Variants in KALRN observed in about 807,000 individuals in gnomAD.
The protein encoded by KALRN is kalirin RhoGEF kinase.
In KALRN, 70 loss-of-function variants were observed where a neutral mutation model predicts 353.7. That is an observed-to-expected ratio of 0.20 (90% confidence interval 0.16 to 0.24). The LOEUF is 0.24. KALRN is among the 10% of genes least tolerant of loss of function. The probability of loss-of-function intolerance (pLI) is 1.00; values close to 1 mark genes in which losing one functional copy is unlikely to be tolerated. For synonymous variants in KALRN, 1,391 were observed against 1,434.8 expected, an observed-to-expected ratio of 0.97 and a Z score of 0.69; for missense variants, 2,791 against 3,756.7, an observed-to-expected ratio of 0.74 and a Z score of 6.72.
At chr3:124,586,954 G>A (rs150428065) in intron 34 of KALRN, among the ~76,000 whole-genome samples, 27 of 152,316 alleles carry the variant, frequency 1.8e-4, no homozygotes, top group Admixed American at 5.2e-4. Flanking sequence ...ACCGAAAACA[G>A]TCTCCACTCA....
chr3:124,305,098 C>G (rs2077578740), intron 6 of KALRN, among the ~76,000 whole-genome samples: 2 of 152,304 alleles, frequency 1.3e-5, no homozygotes, highest in South Asian at 4.1e-4. Context: ...GGAAAGCACA[C>G]CATTGTCCCC....
intron 1 of KALRN, among the ~76,000 whole-genome samples, chr3:124,081,703 G>A (rs571534970): frequency 6.6e-6 from 1 of 152,264 alleles, no homozygotes; most frequent in East Asian, 1.9e-4. Flanking sequence ...CTGAAAGTGA[G>A]CCAAGATCAA....
chr3:124,549,603 G>GT (rs1409463980), intron 33 of KALRN, among the ~76,000 whole-genome samples: 4 of 151,988 alleles, frequency 2.6e-5, no homozygotes, highest in Non-Finnish European at 5.9e-5. Context: ...ATACACAAAA[G>GT]TTTTATAATA....
At chr3:124,439,141 T>A in intron 18 of KALRN, 104 bp downstream of exon 18, 1 of 1,161,640 alleles carries the variant, frequency 8.6e-7, no homozygotes, top group Non-Finnish European at 1.2e-6. Context: ...TTCTCTCTCT[T>A]TCTCTTTCTC....
chr3:124,177,032 T>C (rs952483968), intron 1 of KALRN, among the ~76,000 whole-genome samples: 1 of 152,070 alleles, frequency 6.6e-6, no homozygotes, highest in African/African-American at 2.4e-5. Context: ...ACCTGACCTT[T>C]CCTGAGAAGA....
intron 58 of KALRN, among the ~76,000 whole-genome samples, chr3:124,715,959 T>C (rs2063115868): frequency 6.6e-6 from 1 of 152,112 alleles, no homozygotes; most frequent in African/African-American, 2.4e-5. Context: ...TGAACAGTAA[T>C]ATTCACCCAC....
intron 25 of KALRN, among the ~76,000 whole-genome samples, chr3:124,466,712 G>C (rs962915324): frequency 2.6e-5 from 4 of 152,150 alleles, no homozygotes; most frequent in African/African-American, 9.7e-5. Context: ...GACAATCCCA[G>C]AGGAGTCGTT....
At chr3:124,065,291 G>A (rs1446468199) in intron 1 of KALRN, among the ~76,000 whole-genome samples, 4 of 152,290 alleles carry the variant, frequency 2.6e-5, no homozygotes, top group South Asian at 2.1e-4. Flanking sequence ...AGATGAGCCC[G>A]GCCCTGTGCA....
intron 58 of KALRN, among the ~76,000 whole-genome samples, chr3:124,715,972 TATG>T (rs1239054602): frequency 2.0e-5 from 3 of 152,030 alleles, no homozygotes; most frequent in Non-Finnish European, 4.4e-5. Context: ...TCACCCACTA[TATG>T]ATAATATTAA....
In KALRN at chr3:124,588,074, G is replaced by A. The variant is rs114588991; in HGVS notation, c.5182+24985G>A. Among the ~76,000 whole-genome samples the A allele has an allele frequency of 7.9e-3, 1,208 of 152,260 alleles. 15 individuals are homozygous for A. The highest frequency in any genetic ancestry group is 0.026 in the African/African-American group (1,073 of 41,540). Reference sequence around the variant, plus strand: ...TCTTCCCTATCTTGAAACTGGTGTTGAAAGGCAGGAAAACTGAAAACCAAG... The same window carrying A: ...TCTTCCCTATCTTGAAACTGGTGTTAAAAGGCAGGAAAACTGAAAACCAAG... On this transcript the variant is annotated intron_variant, in intron 34 of 59. Transcript: ENST00000682506.
At chr3:124,578,846 G>A (rs1354410495) in intron 34 of KALRN, among the ~76,000 whole-genome samples, 2 of 149,438 alleles carry the variant, frequency 1.3e-5, no homozygotes, top group African/African-American at 5.0e-5. Flanking sequence ...GGAAAGGAGA[G>A]CAAGGGAATG....
rs866008860 is a variant in KALRN at position 124,490,819 on chromosome 3, G to A, written c.4522G>A (p.Val1508Ile). ...RHLFLFEISL[V>I]FSKEIKDSSG... ...CTTGTTCCTCTTTGAGATCTCCTTG[G>A]TTTTTAGCAAGGAGATCAAAGATTC... The change falls in exon 30 of 60, where the codon GTT becomes ATT. Residue 1508 changes from valine to isoleucine, a missense_variant. Coordinates refer to ENST00000682506, the MANE Select transcript of KALRN (RefSeq NM_001388419.1). 1.2e-6 allele frequency: 2 copies of A among 1,613,822 alleles called. No individual in the cohort carries two copies. Among genetic ancestry groups the A allele is most frequent in the South Asian group, 1.1e-5 (1 of 91,066 alleles).
chr3:124,281,718 C>A (rs2075363701), intron 5 of KALRN, among the ~76,000 whole-genome samples: 2 of 152,174 alleles, frequency 1.3e-5, no homozygotes. Context: ...TGCCATCTAG[C>A]ATTATAGCTA....
intron 37 of KALRN, among the ~76,000 whole-genome samples, chr3:124,644,898 C>T (rs544641438): frequency 6.6e-6 from 1 of 152,304 alleles, no homozygotes; most frequent in East Asian, 1.9e-4. Flanking sequence ...TGAGGAATCA[C>T]CACACTGTCT....
chr3:124,439,200 TCA>T (rs376221553), intron 18 of KALRN, among the ~76,000 whole-genome samples, 163 bp downstream of exon 18: 30,988 of 98,306 alleles, frequency 0.32, 3,700 homozygotes, highest in Non-Finnish European at 0.4. Flanking sequence ...TCTCTCTCTC[TCA>T]CACACACACA....
intron 13 of KALRN, among the ~76,000 whole-genome samples, chr3:124,406,832 C>CTTTT (rs10686645): frequency 0.051 from 6,470 of 126,162 alleles, 521 homozygotes; most frequent in African/African-American, 0.12. Context: ...AGTTGCTTTG[C>CTTTT]TTTTTTTTTT....
chr3:124,580,955 A>ATAG (rs1554038276), intron 34 of KALRN, among the ~76,000 whole-genome samples: 49 of 150,652 alleles, frequency 3.3e-4, no homozygotes, highest in Non-Finnish European at 5.9e-4. Flanking sequence ...TAAAATAATA[A>ATAG]TAATAATAAT....
At chr3:124,093,354 T>C (rs756599029) in intron 1 of KALRN, among the ~76,000 whole-genome samples, 9 of 152,236 alleles carry the variant, frequency 5.9e-5, no homozygotes, top group Admixed American at 1.3e-4. Context: ...TGGCCTAGGC[T>C]GCACAGAGCT....
At chr3:124,592,453 A>G (rs2075890270) in intron 34 of KALRN, among the ~76,000 whole-genome samples, 2 of 146,992 alleles carry the variant, frequency 1.4e-5, no homozygotes, top group Admixed American at 1.3e-4. Context: ...CATCTACATT[A>G]TAAAAAAAAA....
Sources: gnomAD v4.1 joint callset for allele counts (sites outside exome capture counted in the v4.1 genomes callset) on GRCh38, gnomAD v4.1.1 for gene constraint, MANE v1.5 for transcripts, NCBI Gene and HGNC (gene_info 2026-07-23, HGNC 2026-07-21) for gene names.